B4GALT1: variants seen among roughly 807,000 people sequenced by gnomAD.
B4GALT1 encodes beta-1,4-galactosyltransferase 1.
B4GALT1 carries 16 observed loss-of-function variants against 34.9 expected under a neutral mutation model. The observed-to-expected ratio is 0.46, with a 90% confidence interval of 0.31 to 0.70. The LOEUF (loss-of-function observed/expected upper bound fraction) is 0.70, where lower values mean the gene tolerates loss of function less well. Among genes scored for constraint, B4GALT1 ranks in the 30% least tolerant of loss-of-function variants. The pLI is 0.05. For synonymous variants in B4GALT1, 221 were observed against 218.1 expected (o/e 1.01, Z -0.12); for missense variants, 445 against 530.5 (o/e 0.84, Z 1.58).
At chr9:33,172,045 TGTTACCGACCAAAGCGCAAAA>T (rs1840846743), upstream of B4GALT1, among the ~76,000 whole-genome samples, 1 of 152,224 alleles carries the variant, frequency 6.6e-6, no homozygotes. Flanking sequence ...CAGATCCAGG[TGTTACCGACCAAAGCGCAAAA>T]GCACTCACTG....
At chr9:33,135,469 G>A (rs774601611) in intron 1 of B4GALT1, 45 bp from the exon 2 acceptor site, 28 of 1,562,756 alleles carry the variant, frequency 1.8e-5, no homozygotes, top group East Asian at 2.3e-5. Context: ...CACAGGACTC[G>A]CCACCGCTCC....
At chr9:33,147,990 T>C (rs1840454033) in intron 1 of B4GALT1, among the ~76,000 whole-genome samples, 1 of 151,954 alleles carries the variant, frequency 6.6e-6, no homozygotes, top group African/African-American at 2.4e-5. Flanking sequence ...GTCATGATCA[T>C]ACCACTGCAC....
Position 33,166,650 on chromosome 9 carries a change from G to A in B4GALT1, c.412+108C>T. On this transcript the variant is annotated intron_variant, in intron 1 of 5. Transcript: ENST00000379731. ...ATTTAAAACTCTGATCCAGAAGAGGGAGGCTGGCTGTCGTAGAAGAGCCAG... is the reference window on the plus strand; with the variant it reads ...ATTTAAAACTCTGATCCAGAAGAGGAAGGCTGGCTGTCGTAGAAGAGCCAG... 3.2e-6 allele frequency: 4 copies of A among 1,230,826 alleles called. No individual in the cohort carries two copies. In the South Asian group the frequency reaches 5.0e-5, roughly 15 times the overall value. 76.2% of individuals were successfully genotyped at this position (1,230,826 alleles called of 1,614,324 possible).
At chr9:33,134,307 G>A (rs1840235817) in intron 2 of B4GALT1, among the ~76,000 whole-genome samples, 1 of 152,114 alleles carries the variant, frequency 6.6e-6, no homozygotes, top group Admixed American at 6.5e-5. Flanking sequence ...ATGGACATTG[G>A]GCCTTGTAGA....
At chr9:33,149,398 A>G (rs1337610084) in intron 1 of B4GALT1, among the ~76,000 whole-genome samples, 1 of 151,976 alleles carries the variant, frequency 6.6e-6, no homozygotes, top group Non-Finnish European at 1.5e-5. Context: ...CTTGTGCCTC[A>G]GCCTCCTGAG....
chr9:33,138,176 G>A (rs1041386443), intron 1 of B4GALT1, among the ~76,000 whole-genome samples: 2 of 152,210 alleles, frequency 1.3e-5, no homozygotes, highest in Non-Finnish European at 2.9e-5. Context: ...TCCTGGTGTT[G>A]CCCCATCATG....
At chr9:33,130,051 G>C (rs1388316179) in intron 2 of B4GALT1, among the ~76,000 whole-genome samples, 1 of 152,222 alleles carries the variant, frequency 6.6e-6, no homozygotes, top group Non-Finnish European at 1.5e-5. Flanking sequence ...GCAGCTGAGG[G>C]AGAGGAACAG....
chr9:33,143,067 C>T (rs1299932070), intron 1 of B4GALT1, among the ~76,000 whole-genome samples: 2 of 152,192 alleles, frequency 1.3e-5, no homozygotes, highest in Admixed American at 6.5e-5. Context: ...ATCGCTGGAA[C>T]CTGGGAAGTG....
At chr9:33,125,576 A>AG (rs1415087498) in intron 2 of B4GALT1, among the ~76,000 whole-genome samples, 1 of 152,166 alleles carries the variant, frequency 6.6e-6, no homozygotes, top group Non-Finnish European at 1.5e-5. Flanking sequence ...GGCCAAAGGC[A>AG]GGGGCTCCAC....
chr9:33,165,853 G>A (rs572442757), intron 1 of B4GALT1, among the ~76,000 whole-genome samples: 3 of 152,350 alleles, frequency 2.0e-5, no homozygotes, highest in South Asian at 4.1e-4. Context: ...ACCTACTCAA[G>A]CTCTCTGCCT....
chr9:33,149,544 T>G (rs1840480040), intron 1 of B4GALT1, among the ~76,000 whole-genome samples: 1 of 152,150 alleles, frequency 6.6e-6, no homozygotes, highest in Admixed American at 6.5e-5. Context: ...CTCAGCCTCC[T>G]AAAGTGCTGG....
intron 1 of B4GALT1, among the ~76,000 whole-genome samples, chr9:33,163,179 G>A (rs1840698420): frequency 6.6e-6 from 1 of 152,134 alleles, no homozygotes; most frequent in African/African-American, 2.4e-5. Context: ...GCATATGAGG[G>A]AGGGGGAAAC....
chr9:33,159,272 C>T (rs1840641849), intron 1 of B4GALT1, among the ~76,000 whole-genome samples: 1 of 152,192 alleles, frequency 6.6e-6, no homozygotes, highest in African/African-American at 2.4e-5. Context: ...TTAGAATATA[C>T]TCTGTCATGG....
At chr9:33,169,064 C>T (rs1006867746), upstream of B4GALT1, among the ~76,000 whole-genome samples, 1 of 152,232 alleles carries the variant, frequency 6.6e-6, no homozygotes, top group Non-Finnish European at 1.5e-5. Flanking sequence ...TCTGATGTAA[C>T]CATCCTCGAT....
At position 33,128,181 on chromosome 9, in the gene B4GALT1, T is replaced by A. The variant is rs150417212; in HGVS notation, c.648+7008A>T. 7.4e-3 allele frequency among the ~76,000 whole-genome samples: 1,127 copies of A among 152,176 alleles called. 19 individuals are homozygous for A. Among genetic ancestry groups the A allele is most frequent in the Non-Finnish European group, 0.011 (718 of 67,998 alleles). On this transcript the variant is annotated intron_variant, in intron 2 of 5. Transcript: ENST00000379731. Reference sequence around the variant, plus strand: ...AAGAAGCAGATCAGAGAGGAACTCCTCCTTCCACTTGCTTTGCTACAAACA... The same window carrying A: ...AAGAAGCAGATCAGAGAGGAACTCCACCTTCCACTTGCTTTGCTACAAACA...
In B4GALT1 at chr9:33,113,771, C is replaced by T; in HGVS notation, c.1064+3G>A. On this transcript the variant is annotated splice_donor_region_variant and intron_variant, in intron 5 of 5. Transcript: ENST00000379731. ...AAGGAGTATGAATAAACAAAGAATG[C>T]ACCTCTGAGGATTGGGTTCATTTTT... The T allele has an allele frequency of 1.2e-6, 2 of 1,614,068 alleles. No individual in the cohort carries two copies. Among genetic ancestry groups the T allele is most frequent in the South Asian group, 2.2e-5 (2 of 91,086 alleles).
chr9:33,104,084 A>G (rs1386995284), exon 3 of B4GALT1: 3 of 152,084 alleles, frequency 2.0e-5, no homozygotes, highest in Non-Finnish European at 4.4e-5. Flanking sequence ...AGATAGGTCC[A>G]CTTTTAGGAT....
Position 33,166,952 on chromosome 9 carries a change from G to A in B4GALT1, c.218C>T (p.Ser73Phe). 2.5e-6 allele frequency: 4 copies of A among 1,576,890 alleles called. No homozygotes were observed. Among genetic ancestry groups the A allele is most frequent in the Non-Finnish European group, 3.4e-6 (4 of 1,168,530 alleles). ...GSNSAAAIGQ[S>F]SGELRTGGAR... is the part of the protein sequence containing the mutation. ...CCCTCCGGTCCGGAGCTCCCCGGAG[G>A]ACTGCCCGATGGCGGCGGCACTGTT... is the stretch of plus-strand genomic sequence containing the variant. Residue 73 changes from serine to phenylalanine, a missense_variant, in exon 1 of 6, where the codon TCC (serine) becomes TTC (phenylalanine). Ser to Phe is a radical substitution (Grantham distance 155, BLOSUM62 -2). Coordinates refer to ENST00000379731, the MANE Select transcript of B4GALT1 (RefSeq NM_001497.4).
chr9:33,156,875 T>C (rs1840600803), intron 1 of B4GALT1, among the ~76,000 whole-genome samples: 1 of 152,130 alleles, frequency 6.6e-6, no homozygotes. Flanking sequence ...TAGCGCCACA[T>C]ATCAAGGAAG....
Sources: gnomAD v4.1 joint callset for allele counts (sites outside exome capture counted in the v4.1 genomes callset) on GRCh38, gnomAD v4.1.1 for gene constraint, MANE v1.5 for transcripts, NCBI Gene and HGNC (gene_info 2026-07-23, HGNC 2026-07-21) for gene names.